The following AATK variants were observed in gnomAD, a reference collection of about 807,000 sequenced individuals.
The protein encoded by AATK is lemur tail kinase 1.
Under a neutral mutation model 114.3 loss-of-function variants are expected in AATK, and 91 were observed. The observed-to-expected ratio is 0.80, with a 90% CI of 0.67 to 0.95. AATK has a LOEUF of 0.95. Among genes scored for constraint, AATK ranks in the 40% least tolerant of loss-of-function variants. The pLI, the probability that AATK is intolerant of heterozygous loss-of-function variation, is 0.00. For missense variants in AATK, 2,176 were observed against 1,965.2 expected (o/e 1.11, Z -2.03); for synonymous variants, 1,075 against 916.5 (o/e 1.17, Z -3.12).
rs574342362 is a variant in AATK, at chr17:81,126,071, C to T, written c.755+356G>A. On this transcript the variant is annotated intron_variant, in intron 7 of 13. Coordinates refer to ENST00000326724, the MANE Select transcript of AATK (RefSeq NM_001080395.3). This position sits in a 1 kb window ranked among gnomAD's most constrained non-coding sequence, Gnocchi z 5.1. ...GCCCAAGCAGGACAGAACCCTCCCTCCAGGGTCCTTCGAAGCAGGGTCTGT... is the reference window on the plus strand; with the variant it reads ...GCCCAAGCAGGACAGAACCCTCCCTTCAGGGTCCTTCGAAGCAGGGTCTGT... The T allele has an allele frequency of 2.1e-5, 10 of 474,864 alleles. No homozygotes were observed. In the Admixed American group the frequency reaches 2.7e-4, roughly 13 times the overall value. The allele number at this position is 474,864 out of a possible 1,614,324, so 29.4% of individuals were successfully genotyped here.
At chr17:81,122,862 GCTGGC>G in intron 10 of AATK, 39 bp from the exon 11 acceptor site, 1 of 1,410,016 alleles carries the variant, frequency 7.1e-7, no homozygotes, top group African/African-American at 1.5e-5. Flanking sequence ...CAGAGGCAAC[GCTGGC>G]CAGGAACGCG....
At chr17:81,138,487 GCACA>G (rs1158704052) in intron 1 of AATK, among the ~76,000 whole-genome samples, 4 of 139,376 alleles carry the variant, frequency 2.9e-5, no homozygotes, top group African/African-American at 1.1e-4. Flanking sequence ...ACACATGCAT[GCACA>G]CACACCCTCG....
At position 81,138,260 on chromosome 17, in the gene AATK, CAT is replaced by C. The variant is rs1220816397; in HGVS notation, c.56-3761_56-3760del. On this transcript the variant is annotated intron_variant, in intron 1 of 13. Transcript: ENST00000326724. ...ACATACCCACACACATGCACAGAGA[CAT>C]ACCCACATGCACGTGCACACCCACC... Among the ~76,000 whole-genome samples, 8 of 149,004 alleles carry C rather than the reference CAT, an allele frequency of 5.4e-5. No individual in the cohort carries two copies. In the South Asian group the frequency reaches 6.5e-4, roughly 12 times the overall value.
chr17:81,126,834 A>C lies in AATK; in HGVS notation c.622-274T>G. ...TCCCTTGGCCTGTGGTAGAGAGAGA[A>C]ACACAGGGCCCAAGTGGATCTGCTT... On this transcript the variant is annotated intron_variant, in intron 6 of 13. Coordinates refer to ENST00000326724, the MANE Select transcript of AATK (RefSeq NM_001080395.3). This position sits in a 1 kb window ranked among gnomAD's most constrained non-coding sequence, Gnocchi z 5.1. The C allele has an allele frequency of 7.8e-7, 1 of 1,282,020 alleles. No individual in the cohort carries two copies. Among genetic ancestry groups the C allele is most frequent in the East Asian group, 3.1e-5 (1 of 32,340 alleles). 79.4% of individuals were successfully genotyped at this position (1,282,020 alleles called of 1,614,324 possible).
At chr17:81,162,919 C>T (rs1567831408) in intron 1 of AATK, among the ~76,000 whole-genome samples, 1 of 152,200 alleles carries the variant, frequency 6.6e-6, no homozygotes. Context: ...ACAGTGACAC[C>T]TCTGCGTCAG....
chr17:81,143,023 C>T (rs2061160889), intron 1 of AATK, among the ~76,000 whole-genome samples: 1 of 152,244 alleles, frequency 6.6e-6, no homozygotes, highest in Admixed American at 6.5e-5. Flanking sequence ...CAGGCGTGGT[C>T]CAGGATGGCG....
intron 10 of AATK, 127 bp downstream of exon 10, chr17:81,123,067 C>G: frequency 1.7e-6 from 2 of 1,168,490 alleles, no homozygotes; most frequent in Non-Finnish European, 2.2e-6. Context: ...GGTGGAGGCC[C>G]TACCAGAGGG....
At chr17:81,124,074 G>A (rs1598910532) in intron 9 of AATK, among the ~76,000 whole-genome samples, 2 of 152,176 alleles carry the variant, frequency 1.3e-5, no homozygotes, top group East Asian at 3.9e-4. Flanking sequence ...AAGTGGCTTA[G>A]GGGAGGCCCC....
intron 13 of AATK, 63 bp downstream of exon 13, chr17:81,119,317 C>T (rs2146278557): frequency 2.7e-6 from 4 of 1,471,798 alleles, no homozygotes; most frequent in African/African-American, 1.5e-5. Context: ...AGGGGCCCCA[C>T]CCTCGGAGCT....
At chr17:81,148,537 G>A (rs1478544992) in intron 1 of AATK, among the ~76,000 whole-genome samples, 1 of 152,244 alleles carries the variant, frequency 6.6e-6, no homozygotes, top group Non-Finnish European at 1.5e-5. Context: ...ACGACCGGCT[G>A]GACTTGAAGC....
Position 81,119,475 on chromosome 17 carries a change from G to GGGCA in AATK, c.3988_3989insTGCC (p.Thr1330MetfsTer26), listed in dbSNP as rs1300173428. 10 of 1,516,116 alleles carry GGGCA rather than the reference G, an allele frequency of 6.6e-6. No homozygotes were observed. In the Admixed American group the frequency reaches 8.6e-5, roughly 13 times the overall value. 93.9% of individuals were successfully genotyped at this position (1,516,116 alleles called of 1,614,324 possible). A position where few individuals can be genotyped will look rare whatever the true frequency, so the allele number is the denominator to read the frequency against. ...CGTGAAGCGCGAGAAGGGAGCGGGC[G>GGGCA]TGGGCGTGGGCGCAGCCGGGGCGGG... On this transcript the variant is annotated frameshift_variant, in exon 13 of 14. Transcript: ENST00000326724. LOFTEE classifies it high-confidence loss of function.
In AATK at chr17:81,127,783, G is replaced by T; in HGVS notation, c.533+9C>A. 6.6e-7 allele frequency: 1 copy of T among 1,506,994 alleles called. No homozygotes were observed. The highest frequency in any genetic ancestry group is 9.0e-7 in the Non-Finnish European group (1 of 1,109,030). 93.4% of individuals were successfully genotyped at this position (1,506,994 alleles called of 1,614,324 possible). ...ACAGCACAGGCCTTTGTGCCCGGTG[G>T]CCTCCCACCTGTAGGGCTGCACCTC... On this transcript the variant is annotated intron_variant, in intron 5 of 13. Coordinates refer to ENST00000326724, the MANE Select transcript of AATK (RefSeq NM_001080395.3).
In AATK at chr17:81,130,745, C is replaced by T. The variant is rs532720919; in HGVS notation, c.334+316G>A. On this transcript the variant is annotated intron_variant, in intron 3 of 13. Coordinates refer to ENST00000326724, the MANE Select transcript of AATK (RefSeq NM_001080395.3). ...CCCCAGTGCCCACCCCTGCCCCGTG[C>T]CCACCCCTGTCCCTGTGCATAGCAG... Among the ~76,000 whole-genome samples, 358 of 152,208 alleles carry T rather than the reference C, an allele frequency of 2.4e-3. 4 individuals are homozygous for T. The highest frequency in any genetic ancestry group is 4.4e-3 in the Non-Finnish European group (302 of 67,988).
At chr17:81,118,543 C>G (rs563866591) in intron 13 of AATK, 101 bp from the exon 14 acceptor site, 26 of 1,258,318 alleles carry the variant, frequency 2.1e-5, no homozygotes, top group Admixed American at 1.2e-4. Flanking sequence ...ACATACAGGC[C>G]GGGCCCCTTC....
At chr17:81,124,081 C>T (rs912431870) in intron 9 of AATK, among the ~76,000 whole-genome samples, 1 of 152,120 alleles carries the variant, frequency 6.6e-6, no homozygotes, top group African/African-American at 2.4e-5. Context: ...TTAGGGGAGG[C>T]CCCAAAAGCT....
rs1191593304 is a variant in AATK, at chr17:81,124,769, C to T, written c.920G>A (p.Ser307Asn). The change falls in exon 9 of 14, where the codon AGC (serine) becomes AAC (asparagine). Residue 307 changes from serine (S) to asparagine (N), a missense_variant. Physicochemically the swap from Ser to Asn is conservative, Grantham distance 46. This residue lies in a region of AATK where 273 missense variants were observed against 344.1 expected (regional missense o/e 0.79). Coordinates refer to ENST00000326724, the MANE Select transcript of AATK (RefSeq NM_001080395.3). Reference protein sequence around the residue: ...IAPELVDEVHSNLLVVDQTKS... With the variant: ...IAPELVDEVHNNLLVVDQTKS... ...GGTCTGGTCCACGACGAGCAGGTTG[C>T]TATGCACCTCGTCCACCAGCTCTGG... 6.2e-7 allele frequency: 1 copy of T among 1,612,908 alleles called. No individual in the cohort carries two copies. The highest frequency in any genetic ancestry group is 8.5e-7 in the Non-Finnish European group (1 of 1,179,810).
intron 9 of AATK, among the ~76,000 whole-genome samples, chr17:81,124,246 G>A (rs78147137): frequency 1.0e-4 from 14 of 139,672 alleles, no homozygotes; most frequent in South Asian, 4.6e-4. Flanking sequence ...CTGGCGGCTC[G>A]GCCCTGCCCC....
At position 81,119,516 on chromosome 17, in the gene AATK, G is replaced by A. The variant is rs367731967; in HGVS notation, c.3948C>T (p.Ala1316=). The A allele has an allele frequency of 1.9e-6, 3 of 1,568,296 alleles. No individual in the cohort carries two copies. The East Asian group carries it at 7.1e-5, about 37-fold the overall frequency. The change falls in exon 13 of 14, where the codon GCC becomes GCT. Residue 1316 remains alanine, a synonymous_variant. Coordinates refer to ENST00000326724, the MANE Select transcript of AATK (RefSeq NM_001080395.3). The part of the protein sequence containing the change: ...LMTAKAAFAM[A]LDPAAPAPAA... ...CCGGGGCGGGTGCGGCCGGGTCTAG[G>A]GCCATGGCGAAGGCTGCCTTGGCCG... is the stretch of plus-strand genomic sequence containing the variant.
Position 81,118,293 on chromosome 17 carries a change from T to C in AATK, c.*109A>G. The C allele has an allele frequency of 8.3e-7, 1 of 1,209,236 alleles. No homozygotes were observed. Among genetic ancestry groups the C allele is most frequent in the South Asian group, 1.4e-5 (1 of 71,436 alleles). 74.9% of individuals were successfully genotyped at this position (1,209,236 alleles called of 1,614,324 possible). On this transcript the variant is annotated 3_prime_UTR_variant, in exon 14 of 14. Coordinates refer to ENST00000326724, the MANE Select transcript of AATK (RefSeq NM_001080395.3). ...GTGGGGCAGAGGCACCTGAATCTGC[T>C]GCCAACAGCCACCAGGACGTGGTCC...
Sources: gnomAD v4.1 joint callset for allele counts (sites outside exome capture counted in the v4.1 genomes callset) on GRCh38, gnomAD v4.1.1 for gene constraint, gnomAD v4.1.1 regional missense constraint, Gnocchi (gnomAD v3.1) non-coding constraint, MANE v1.5 for transcripts, NCBI Gene and HGNC (gene_info 2026-07-23, HGNC 2026-07-21) for gene names.